The following EPHA6 variants were observed in gnomAD, a reference collection of about 807,000 sequenced individuals.
The protein encoded by EPHA6 is EPH receptor A6.
In EPHA6, 50 loss-of-function variants were observed where a neutral mutation model predicts 112.0. That is an observed-to-expected ratio of 0.45 (90% confidence interval 0.36 to 0.56). The LOEUF (loss-of-function observed/expected upper bound fraction) is 0.56. Among genes scored for constraint, EPHA6 ranks in the 20% least tolerant of loss-of-function variants. EPHA6 has a pLI of 0.00. For missense variants in EPHA6, 1,280 were observed against 1,417.4 expected (o/e 0.90, Z 1.56); for synonymous variants, 529 against 490.7 (o/e 1.08, Z -1.03).
intron 14 of EPHA6, among the ~76,000 whole-genome samples, chr3:97,693,305 G>A (rs1173881252): frequency 6.6e-6 from 1 of 152,188 alleles, no homozygotes; most frequent in Non-Finnish European, 1.5e-5. Flanking sequence ...GAATTTAGAT[G>A]TGTGGGTTAA....
At chr3:96,919,707 A>G (rs2039664366) in intron 2 of EPHA6, among the ~76,000 whole-genome samples, 1 of 151,972 alleles carries the variant, frequency 6.6e-6, no homozygotes, top group African/African-American at 2.4e-5. Flanking sequence ...TCCATCTCCA[A>G]TAATACTTTT....
chr3:97,458,707 T>G (rs2090781289), intron 7 of EPHA6, among the ~76,000 whole-genome samples: 1 of 152,108 alleles, frequency 6.6e-6, no homozygotes, highest in African/African-American at 2.4e-5. Flanking sequence ...GTTTTAAAAT[T>G]TGATATAGTT....
At chr3:97,544,399 G>C (rs1384815404) in intron 11 of EPHA6, among the ~76,000 whole-genome samples, 6 of 152,138 alleles carry the variant, frequency 3.9e-5, no homozygotes, top group Non-Finnish European at 8.8e-5. Flanking sequence ...TACATTTATT[G>C]ATTTGCGTAT....
intron 14 of EPHA6, among the ~76,000 whole-genome samples, chr3:97,718,287 C>G (rs1032968499): frequency 7.2e-5 from 11 of 152,152 alleles, no homozygotes; most frequent in Non-Finnish European, 1.6e-4. Context: ...ATCCTTACCC[C>G]CTTGTGAAGA....
At chr3:97,325,521 A>T (rs2082377239) in intron 5 of EPHA6, among the ~76,000 whole-genome samples, 1 of 152,036 alleles carries the variant, frequency 6.6e-6, no homozygotes, top group South Asian at 2.1e-4. Context: ...AAATACTCTG[A>T]GGTACAGGGG....
chr3:96,988,706 T>C (rs2043110059), intron 3 of EPHA6, among the ~76,000 whole-genome samples: 1 of 152,084 alleles, frequency 6.6e-6, no homozygotes, highest in Admixed American at 6.6e-5. Flanking sequence ...TACATAGAAT[T>C]TTTCACCATA....
rs185677836 is a variant in EPHA6, at chr3:97,670,028, G to A, written c.2784+31946G>A. ...GATCAGATTCTAGGCATATTAAAAT[G>A]TGGTTGGAGGATTTTCTCTTCAATA... On this transcript the variant is annotated intron_variant, in intron 14 of 17. Coordinates refer to ENST00000389672, the MANE Select transcript of EPHA6 (RefSeq NM_001080448.3). 1.7e-3 allele frequency among the ~76,000 whole-genome samples: 262 copies of A among 152,248 alleles called. 1 individual carries two copies. The highest frequency in any genetic ancestry group is 5.8e-3 in the African/African-American group (240 of 41,548).
chr3:97,405,314 A>G (rs1010030498), intron 6 of EPHA6, 40 bp downstream of exon 6: 7 of 1,508,338 alleles, frequency 4.6e-6, no homozygotes, highest in South Asian at 1.2e-5. Context: ...CTACATATAT[A>G]TGCATATATA....
chr3:96,838,443 T>A (rs141643653), intron 1 of EPHA6, among the ~76,000 whole-genome samples: 4 of 152,226 alleles, frequency 2.6e-5, no homozygotes, highest in Admixed American at 2.6e-4. Flanking sequence ...TTGAATAGTA[T>A]TTCTGCCTCT....
chr3:96,937,289 G>T (rs2040644597), intron 2 of EPHA6, among the ~76,000 whole-genome samples: 1 of 152,058 alleles, frequency 6.6e-6, no homozygotes, highest in South Asian at 2.1e-4. Flanking sequence ...ACTTTTTAAT[G>T]ATCGCCATTC....
chr3:97,561,669 G>A (rs939014950), intron 11 of EPHA6, among the ~76,000 whole-genome samples: 2 of 152,142 alleles, frequency 1.3e-5, no homozygotes, highest in Non-Finnish European at 2.9e-5. Context: ...AGAAGATCTA[G>A]CTAGGATAAT....
intron 10 of EPHA6, among the ~76,000 whole-genome samples, chr3:97,506,819 A>G (rs1279905879): frequency 6.6e-6 from 1 of 152,120 alleles, no homozygotes; most frequent in Non-Finnish European, 1.5e-5. Flanking sequence ...ATGTTTTTCC[A>G]TTTGTTTGTG....
At chr3:96,910,534 T>C (rs2039162755) in intron 2 of EPHA6, among the ~76,000 whole-genome samples, 1 of 152,106 alleles carries the variant, frequency 6.6e-6, no homozygotes. Flanking sequence ...AAGCCCAGCT[T>C]ACCTCTCTAA....
At chr3:97,730,384 C>A (rs2034983991) in intron 15 of EPHA6, among the ~76,000 whole-genome samples, 1 of 152,084 alleles carries the variant, frequency 6.6e-6, no homozygotes. Context: ...ATAATAATTT[C>A]TGACAGAATG....
At chr3:97,691,546 G>A (rs535136974) in intron 14 of EPHA6, among the ~76,000 whole-genome samples, 1 of 152,242 alleles carries the variant, frequency 6.6e-6, no homozygotes, top group South Asian at 2.1e-4. Flanking sequence ...AGTTGAACGA[G>A]TGTGGTTAGG....
At position 97,102,519 on chromosome 3, in the gene EPHA6, C is replaced by A. The variant is rs149725113; in HGVS notation, c.1114+114526C>A. ...AGAGCTGTTAAAGGATACAAACATCCAATTATGTACAAATACGATTAAACT... is the reference window on the plus strand; with the variant it reads ...AGAGCTGTTAAAGGATACAAACATCAAATTATGTACAAATACGATTAAACT... On this transcript the variant is annotated intron_variant, in intron 3 of 17. Transcript: ENST00000389672. Among the ~76,000 whole-genome samples, 18 of 152,062 alleles carry A rather than the reference C, an allele frequency of 1.2e-4. No homozygotes were observed. The East Asian group carries it at 3.5e-3, about 29-fold the overall frequency.
Position 97,326,758 on chromosome 3 carries a change from A to T in EPHA6, c.1607-78392A>T, listed in dbSNP as rs574144613. Among the ~76,000 whole-genome samples, 3 of 152,228 alleles carry T rather than the reference A, an allele frequency of 2.0e-5. No homozygotes were observed. In the East Asian group the frequency reaches 5.8e-4, roughly 29 times the overall value. On this transcript the variant is annotated intron_variant, in intron 5 of 17. Coordinates refer to ENST00000389672, the MANE Select transcript of EPHA6 (RefSeq NM_001080448.3). ...AAAGAACAAAATGATTCTAAACAAA[A>T]TACTGAACTGCTGGAATAGTAGAAG...
intron 7 of EPHA6, among the ~76,000 whole-genome samples, chr3:97,461,880 A>C (rs1253856376): frequency 2.6e-5 from 4 of 152,188 alleles, no homozygotes; most frequent in Non-Finnish European, 5.9e-5. Context: ...CTTAGTGAGC[A>C]CAGCAGGCAA....
At chr3:97,683,113 CCTTTGAGAATAAAAA>C (rs1202691081) in intron 14 of EPHA6, among the ~76,000 whole-genome samples, 2 of 152,028 alleles carry the variant, frequency 1.3e-5, no homozygotes, top group African/African-American at 4.8e-5. Context: ...CTTTGTTTCT[CCTTTGAGAATAAAAA>C]GAGGTCTTAA....
Sources: allele counts gnomAD v4.1 joint callset (sites outside exome capture counted in the v4.1 genomes callset), GRCh38; gene constraint gnomAD v4.1.1; transcripts MANE v1.5; gene names NCBI Gene and HGNC (gene_info 2026-07-23, HGNC 2026-07-21).